PRORP: variants seen among roughly 807,000 people sequenced by gnomAD.
The protein encoded by PRORP is protein only RNase P catalytic subunit.
PRORP carries 51 observed loss-of-function variants against 59.4 expected under a neutral mutation model. The ratio of observed to expected loss-of-function variants is 0.86; its 90% CI spans 0.69 to 1.08. The LOEUF (loss-of-function observed/expected upper bound fraction) is 1.08, where lower values mean the gene tolerates loss of function less well. Ranked by LOEUF, PRORP falls within the 50% of genes least tolerant of loss-of-function variation. The probability of loss-of-function intolerance (pLI) is 0.00; values close to 1 mark genes in which losing one functional copy is unlikely to be tolerated. For synonymous variants in PRORP, 231 were observed against 245.6 expected (o/e 0.94, Z 0.55); for missense variants, 646 against 690.3 (o/e 0.94, Z 0.72).
intron 5 of PRORP, among the ~76,000 whole-genome samples, chr14:35,256,489 G>A (rs910778405): frequency 1.3e-5 from 2 of 150,326 alleles, no homozygotes; most frequent in East Asian, 2.0e-4. Flanking sequence ...CTGCCACCAC[G>A]CCCAACTAAT....
intron 5 of PRORP, among the ~76,000 whole-genome samples, chr14:35,234,927 T>C (rs2050171436): frequency 6.6e-6 from 1 of 151,972 alleles, no homozygotes; most frequent in Non-Finnish European, 1.5e-5. Context: ...CAAGTGATCC[T>C]CCCACCTTGG....
intron 4 of PRORP, among the ~76,000 whole-genome samples, chr14:35,162,420 G>A (rs1343917997): frequency 6.6e-6 from 1 of 152,020 alleles, no homozygotes; most frequent in African/African-American, 2.4e-5. Context: ...TAAAATTGCA[G>A]TATAGGATTA....
Position 35,123,336 on chromosome 14 carries a change from C to G in PRORP, c.91C>G (p.Leu31Val). The change falls in exon 2 of 8, where the codon CTG becomes GTG. Residue 31 changes from leucine (L) to valine (V), a missense_variant. Physicochemically the swap from Leu to Val is conservative, Grantham distance 32 (BLOSUM62 1). Coordinates refer to ENST00000534898, the MANE Select transcript of PRORP (RefSeq NM_014672.4). ...AGGCCCAGGGCACTCTTATGTCTCG[C>G]TGTTTCTGGCAGACCGCTGTGGCAT... ...GLGPGHSYVSLFLADRCGIRN... is the reference protein window; with the variant it reads ...GLGPGHSYVSVFLADRCGIRN... 2 of 1,614,056 alleles carry G rather than the reference C, an allele frequency of 1.2e-6. No homozygotes were observed. The highest frequency in any genetic ancestry group is 1.1e-5 in the South Asian group (1 of 91,090).
chr14:35,183,933 A>G (rs79949970), intron 5 of PRORP, among the ~76,000 whole-genome samples: 4,501 of 152,282 alleles, frequency 0.03, 89 homozygotes, highest in Non-Finnish European at 0.047. Flanking sequence ...TTCTCTTAAT[A>G]CAATTACCTA....
Position 35,127,587 on chromosome 14 carries a change from CCAGTA to C in PRORP, c.1147_1151del (p.Tyr383LysfsTer8). The C allele has an allele frequency of 6.2e-7, 1 of 1,613,846 alleles. No homozygotes were observed. The highest frequency in any genetic ancestry group is 2.2e-5 in the East Asian group (1 of 44,854). On this transcript the variant is annotated frameshift_variant, in exon 4 of 8. Transcript: ENST00000534898. LOFTEE classifies it high-confidence loss of function. ...TGAGGGATGTGATAGATGGAGGTGACCAGTACAGAAAGACAACACCTCAGGTGAGT... is the reference window on the plus strand; with the variant it reads ...TGAGGGATGTGATAGATGGAGGTGACCAGAAAGACAACACCTCAGGTGAGT...
intron 5 of PRORP, among the ~76,000 whole-genome samples, chr14:35,232,436 T>G (rs2138501414): frequency 6.6e-6 from 1 of 152,274 alleles, no homozygotes; most frequent in African/African-American, 2.4e-5. Context: ...AGTTTCTAAC[T>G]CCTGGCCTCA....
chr14:35,192,983 A>G (rs1452369658), intron 5 of PRORP, among the ~76,000 whole-genome samples: 4 of 53,898 alleles, frequency 7.4e-5, no homozygotes, highest in East Asian at 2.0e-3. Context: ...ACAGAGTAGA[A>G]AAAAAAAAAA....
Position 35,126,700 on chromosome 14 carries a change from CCTT to C in PRORP, c.987-32_987-30del, listed in dbSNP as rs760358548. 44 of 1,536,004 alleles carry C rather than the reference CCTT, an allele frequency of 2.9e-5. No individual in the cohort carries two copies. The Middle Eastern group carries it at 5.1e-4, about 18-fold the overall frequency. On this transcript the variant is annotated intron_variant, in intron 2 of 7. Coordinates refer to ENST00000534898, the MANE Select transcript of PRORP (RefSeq NM_014672.4). ...ATCTTTCATTTCAGTAGGAATCTAA[CCTT>C]CTCATGATTTGGTTTTGCAATCTTT...
At chr14:35,133,040 G>C (rs2047289044) in intron 4 of PRORP, among the ~76,000 whole-genome samples, 1 of 151,996 alleles carries the variant, frequency 6.6e-6, no homozygotes, top group Non-Finnish European at 1.5e-5. Context: ...TCCTGCCTCA[G>C]CCTCTTGAGT....
At chr14:35,263,549 TG>T (rs35809706) in intron 5 of PRORP, among the ~76,000 whole-genome samples, 77,325 of 151,798 alleles carry the variant, frequency 0.51, 20,972 homozygotes, top group East Asian at 0.75. Context: ...TAGCCAGGCA[TG>T]GGTGGCAGGT....
chr14:35,149,725 T>G (rs1310717347), intron 4 of PRORP, among the ~76,000 whole-genome samples: 14 of 152,252 alleles, frequency 9.2e-5, no homozygotes, highest in Admixed American at 9.2e-4. Flanking sequence ...GCAATAAGGC[T>G]ATTTTGCTTT....
At chr14:35,161,186 GT>G (rs934322026) in intron 4 of PRORP, among the ~76,000 whole-genome samples, 2 of 152,178 alleles carry the variant, frequency 1.3e-5, no homozygotes, top group African/African-American at 4.8e-5. Context: ...GGTAAAACTT[GT>G]GGTATTATTA....
At chr14:35,127,660 G>C in intron 4 of PRORP, 49 bp downstream of exon 4, 2 of 1,601,836 alleles carry the variant, frequency 1.2e-6, no homozygotes, top group Non-Finnish European at 1.7e-6. Flanking sequence ...TCTAGAGCAG[G>C]GGTTAGCAAT....
chr14:35,149,740 T>C (rs1041699425), intron 4 of PRORP, among the ~76,000 whole-genome samples: 2 of 152,240 alleles, frequency 1.3e-5, no homozygotes, highest in Non-Finnish European at 1.5e-5. Context: ...TGCTTTCTTA[T>C]CATTTATTTG....
chr14:35,250,533 G>A (rs1375889807), intron 5 of PRORP, among the ~76,000 whole-genome samples: 1 of 152,166 alleles, frequency 6.6e-6, no homozygotes, highest in African/African-American at 2.4e-5. Flanking sequence ...ATTTTCCAAG[G>A]AGTGCCAGAC....
intron 4 of PRORP, among the ~76,000 whole-genome samples, chr14:35,174,000 C>T (rs1426605348): frequency 1.3e-5 from 2 of 152,022 alleles, no homozygotes; most frequent in Non-Finnish European, 2.9e-5. Flanking sequence ...CTCAGGATGG[C>T]TGGTTTCCAA....
At chr14:35,169,089 CTT>C (rs997649091) in intron 4 of PRORP, among the ~76,000 whole-genome samples, 1 of 73,196 alleles carries the variant, frequency 1.4e-5, no homozygotes, top group Non-Finnish European at 2.9e-5. Context: ...ACCTTTCTTT[CTT>C]TTTTTTTTAT....
At chr14:35,142,712 T>TC (rs2047511212) in intron 4 of PRORP, among the ~76,000 whole-genome samples, 1 of 144,194 alleles carries the variant, frequency 6.9e-6, no homozygotes, top group Non-Finnish European at 1.5e-5. Context: ...GCATAGTGGC[T>TC]CATGCCTGTA....
intron 4 of PRORP, among the ~76,000 whole-genome samples, chr14:35,153,757 A>T (rs192164351): frequency 1.3e-5 from 2 of 152,328 alleles, no homozygotes; most frequent in Admixed American, 1.3e-4. Context: ...TGCCTCAGTT[A>T]TCTGGAACAT....
Sources: gnomAD v4.1 joint callset for allele counts (sites outside exome capture counted in the v4.1 genomes callset) on GRCh38, gnomAD v4.1.1 for gene constraint, MANE v1.5 for transcripts, NCBI Gene and HGNC (gene_info 2026-07-23, HGNC 2026-07-21) for gene names.